Variants in IQCB1 observed in about 807,000 individuals in gnomAD.
IQCB1 encodes IQ motif containing B1.
IQCB1 carries 56 observed loss-of-function variants against 84.4 expected under a neutral mutation model. The observed-to-expected ratio is 0.66, with a 90% CI of 0.54 to 0.83. The LOEUF (loss-of-function observed/expected upper bound fraction) is 0.83. Among genes scored for constraint, IQCB1 ranks in the 40% least tolerant of loss-of-function variants. IQCB1 has a pLI of 0.00. For synonymous variants in IQCB1, 210 were observed against 234.8 expected, an observed-to-expected ratio of 0.89 and a Z score of 0.96; for missense variants, 629 against 682.1, an observed-to-expected ratio of 0.92 and a Z score of 0.87.
intron 5 of IQCB1, among the ~76,000 whole-genome samples, chr3:121,816,705 A>G (rs1950074127): frequency 6.6e-6 from 1 of 152,210 alleles, no homozygotes; most frequent in South Asian, 2.1e-4. Flanking sequence ...AATCAAAACC[A>G]CAATGAGATA....
Position 121,770,431 on chromosome 3 carries a change from C to T in IQCB1, c.1711G>A (p.Glu571Lys). Residue 571 changes from glutamate to lysine, a missense_variant, in exon 15 of 15, where the codon GAA becomes AAA. By Grantham distance (56) the Glu-to-Lys change is moderately conservative. Coordinates refer to ENST00000310864, the MANE Select transcript of IQCB1 (RefSeq NM_001023570.4). Reference sequence around the variant, plus strand: ...GGAACATCAATCTCATCTCCAGATTCTTCTCCAAGCTTCTTCCACCAGGGT... The same window carrying T: ...GGAACATCAATCTCATCTCCAGATTTTTCTCCAAGCTTCTTCCACCAGGGT... ...QAPWWKKLGE[E>K]SGDEIDVPKD... 4 of 1,614,200 alleles carry T rather than the reference C, an allele frequency of 2.5e-6. No individual in the cohort carries two copies. The highest frequency in any genetic ancestry group is 2.5e-6 in the Non-Finnish European group (3 of 1,180,022).
At chr3:121,786,507 A>C (rs1948744225) in intron 12 of IQCB1, among the ~76,000 whole-genome samples, 1 of 151,990 alleles carries the variant, frequency 6.6e-6, no homozygotes, top group Non-Finnish European at 1.5e-5. Context: ...TTAAAAAAAA[A>C]AAAAAGTAAT....
intron 14 of IQCB1, among the ~76,000 whole-genome samples, chr3:121,770,953 T>C (rs1947954837): frequency 6.6e-6 from 1 of 152,040 alleles, no homozygotes; most frequent in Admixed American, 6.5e-5. Flanking sequence ...ATTACAGCCA[T>C]GTGTCAACAT....
At chr3:121,799,022 A>G (rs927719817) in intron 8 of IQCB1, among the ~76,000 whole-genome samples, 174 bp downstream of exon 8, 18 of 151,854 alleles carry the variant, frequency 1.2e-4, no homozygotes, top group African/African-American at 4.3e-4. Flanking sequence ...TAGTGACATG[A>G]AGATAGCTTG....
intron 11 of IQCB1, among the ~76,000 whole-genome samples, chr3:121,788,994 T>C (rs971949829): frequency 6.6e-6 from 1 of 152,146 alleles, no homozygotes; most frequent in Non-Finnish European, 1.5e-5. Flanking sequence ...ATCAACTGGA[T>C]ACGGAGGTAA....
chr3:121,832,954 T>C (rs186313729), intron 2 of IQCB1, among the ~76,000 whole-genome samples: 179 of 152,346 alleles, frequency 1.2e-3, no homozygotes, highest in African/African-American at 4.0e-3. Context: ...TATGTATACA[T>C]ACACATACAC....
chr3:121,816,319 A>T (rs984866499), intron 5 of IQCB1, among the ~76,000 whole-genome samples: 1 of 152,210 alleles, frequency 6.6e-6, no homozygotes, highest in Non-Finnish European at 1.5e-5. Context: ...TACAAACCCT[A>T]GAAGAAAACC....
rs1014840160 is a variant in IQCB1 at position 121,774,425 on chromosome 3, T to C, written c.1411-1712A>G. 6.6e-5 allele frequency among the ~76,000 whole-genome samples: 10 copies of C among 152,168 alleles called. No individual in the cohort carries two copies. The East Asian group carries it at 1.9e-3, about 29-fold the overall frequency. On this transcript the variant is annotated intron_variant, in intron 13 of 14. Coordinates refer to ENST00000310864, the MANE Select transcript of IQCB1 (RefSeq NM_001023570.4). ...TTAGCACACAATCTAGCATTTCCATTTCGGATACTCACCCAAAAGAATTGA... is the reference window on the plus strand; with the variant it reads ...TTAGCACACAATCTAGCATTTCCATCTCGGATACTCACCCAAAAGAATTGA...
At position 121,835,035 on chromosome 3, in the gene IQCB1, T is replaced by C; in HGVS notation, c.-171A>G. On this transcript the variant is annotated 5_prime_UTR_variant, in exon 1 of 15. Transcript: ENST00000310864. ...CACGCCGCACTACAGCGCCGCGGCCTTCCGGGGCAGCGTGCGTCGCGACGC... is the reference window on the plus strand; with the variant it reads ...CACGCCGCACTACAGCGCCGCGGCCCTCCGGGGCAGCGTGCGTCGCGACGC... 1.8e-6 allele frequency: 1 copy of C among 570,322 alleles called. No homozygotes were observed. The highest frequency in any genetic ancestry group is 2.1e-5 in the South Asian group (1 of 47,324). 35.3% of individuals were successfully genotyped at this position (570,322 alleles called of 1,614,324 possible). A position where few individuals can be genotyped will look rare whatever the true frequency, so the allele number is the denominator to read the frequency against.
chr3:121,806,174 G>A lies in IQCB1; in HGVS notation c.587+1170C>T, dbSNP rs549798020. 5.3e-5 allele frequency among the ~76,000 whole-genome samples: 8 copies of A among 152,144 alleles called. No homozygotes were observed. In the East Asian group the frequency reaches 1.2e-3, roughly 22 times the overall value. On this transcript the variant is annotated intron_variant, in intron 7 of 14. Coordinates refer to ENST00000310864, the MANE Select transcript of IQCB1 (RefSeq NM_001023570.4). The stretch of plus-strand genomic sequence containing the variant: ...TCAGAAGTGGAAGTAAAGTCCTGAT[G>A]ATTTTAATTCATTATTTTAAAACCT...
intron 9 of IQCB1, 92 bp from the exon 10 acceptor site, chr3:121,795,658 T>A (rs1949158997): frequency 1.3e-6 from 1 of 743,862 alleles, no homozygotes; most frequent in African/African-American, 1.8e-5. Flanking sequence ...TTAGGGCAAA[T>A]ATTAATCTCT....
intron 7 of IQCB1, among the ~76,000 whole-genome samples, chr3:121,806,863 A>G (rs556923330): frequency 2.0e-5 from 3 of 152,162 alleles, no homozygotes; most frequent in South Asian, 4.1e-4. Context: ...GATTATTTCA[A>G]TTGTGTATAC....
intron 5 of IQCB1, among the ~76,000 whole-genome samples, chr3:121,812,382 AT>A (rs969727436): frequency 6.6e-6 from 1 of 152,182 alleles, no homozygotes; most frequent in African/African-American, 2.4e-5. Flanking sequence ...AATGATCGCG[AT>A]TCCTCCCCAG....
intron 12 of IQCB1, among the ~76,000 whole-genome samples, chr3:121,783,417 GTTAAA>G (rs775893165): frequency 9.2e-5 from 14 of 151,690 alleles, no homozygotes; most frequent in South Asian, 2.1e-4. Flanking sequence ...CATAATTTTA[GTTAAA>G]TTAATGTTCA....
At chr3:121,803,628 T>G (rs771788822) in intron 7 of IQCB1, among the ~76,000 whole-genome samples, 1 of 152,238 alleles carries the variant, frequency 6.6e-6, no homozygotes, top group African/African-American at 2.4e-5. Context: ...TTTGCTTGTG[T>G]ATTTTAAAAC....
In IQCB1 at chr3:121,795,511, C is replaced by G. The variant is rs1472491614; in HGVS notation, c.932G>C (p.Arg311Thr). 6.2e-7 allele frequency: 1 copy of G among 1,610,936 alleles called. No individual in the cohort carries two copies. Among genetic ancestry groups the G allele is most frequent in the African/African-American group, 1.3e-5 (1 of 74,914 alleles). ...IQAYWKGFQT[R>T]KRLKKLPSAV... Reference sequence around the variant, plus strand: ...AGATGGAAGCTTCTTTAATCTCTTTCTTGTCTGAAAACCCTTCCAATAGGC... The same window carrying G: ...AGATGGAAGCTTCTTTAATCTCTTTGTTGTCTGAAAACCCTTCCAATAGGC... The change falls in exon 10 of 15, where the codon AGA becomes ACA. Residue 311 changes from arginine to threonine, a missense_variant. Coordinates refer to ENST00000310864, the MANE Select transcript of IQCB1 (RefSeq NM_001023570.4).
intron 10 of IQCB1, among the ~76,000 whole-genome samples, chr3:121,794,124 C>T (rs1053079957): frequency 5.3e-5 from 8 of 151,774 alleles, no homozygotes; most frequent in Non-Finnish European, 1.2e-4. Context: ...ATTTATCTAA[C>T]CACAGAAATG....
chr3:121,833,160 T>G (rs1477265671), intron 2 of IQCB1, among the ~76,000 whole-genome samples: 1 of 152,224 alleles, frequency 6.6e-6, no homozygotes, highest in Non-Finnish European at 1.5e-5. Context: ...GAACAATTCC[T>G]GGCACATAGT....
At chr3:121,796,907 T>A (rs917965303) in intron 9 of IQCB1, among the ~76,000 whole-genome samples, 4 of 152,046 alleles carry the variant, frequency 2.6e-5, no homozygotes, top group African/African-American at 9.7e-5. Context: ...CAGTGGCTAC[T>A]CATGGGTGTG....
Sources: gnomAD v4.1 joint callset for allele counts (sites outside exome capture counted in the v4.1 genomes callset) on GRCh38, gnomAD v4.1.1 for gene constraint, MANE v1.5 for transcripts, NCBI Gene and HGNC (gene_info 2026-07-23, HGNC 2026-07-21) for gene names.